Variants in CRHR2 observed in about 807,000 individuals in gnomAD.
The protein encoded by CRHR2 is corticotropin releasing hormone receptor 2, also known as corticotropin-releasing hormone receptor 2.
CRHR2 carries 53 observed loss-of-function variants against 57.9 expected under a neutral mutation model. That is an observed-to-expected ratio of 0.92 (90% CI 0.73 to 1.15). CRHR2 has a LOEUF of 1.15. CRHR2 is among the 50% of genes most tolerant of loss of function. The pLI is 0.00. For synonymous variants in CRHR2, 213 were observed against 220.9 expected (o/e 0.96, Z 0.32); for missense variants, 532 against 542.6 (o/e 0.98, Z 0.19).
Position 30,660,614 on chromosome 7 carries a change from C to T in CRHR2, c.790G>A (p.Val264Met), listed in dbSNP as rs1272154090. ...CWFGKEPGDL[V>M]DYIYQGPIIL... is the part of the protein sequence containing the mutation. ...ATGGGGCCTTGGTAGATGTAGTCCA[C>T]CAGGTCGCCAGGCTCCTTGCCAAAC... The change falls in exon 8 of 12, where the codon GTG becomes ATG. Residue 264 changes from valine to methionine, a missense_variant. Coordinates refer to ENST00000471646, the MANE Select transcript of CRHR2 (RefSeq NM_001883.5). The T allele has an allele frequency of 5.1e-6, 8 of 1,572,068 alleles. No homozygotes were observed. The highest frequency in any genetic ancestry group is 6.9e-6 in the Non-Finnish European group (8 of 1,158,252).
At chr7:30,700,026 C>A (rs1273760395) in exon 1 of CRHR2, 2 of 1,414,522 alleles carry the variant, frequency 1.4e-6, no homozygotes, top group Admixed American at 3.2e-5. Context: ...CCCTGAGGGA[C>A]CCCTCATGCC....
chr7:30,698,952 T>G (rs749676910), intron 1 of CRHR2, among the ~76,000 whole-genome samples: 8 of 152,222 alleles, frequency 5.3e-5, no homozygotes, highest in Non-Finnish European at 7.3e-5. Context: ...TGGATTGGTT[T>G]TGTAGGCAAT....
chr7:30,682,205 C>T lies in CRHR2; in HGVS notation c.76G>A (p.Gly26Ser). The change falls in exon 1 of 12, where the codon GGC becomes AGC. Residue 26 changes from glycine (G) to serine (S), a missense_variant. Physicochemically the swap from Gly to Ser is moderately conservative, Grantham distance 56. Transcript: ENST00000471646. ...TCGGGGTCCAGGGGTGGCCCCCAGCCGTCCAAGAGCAGCTCTTCAGCCAGC... is the reference window on the plus strand; with the variant it reads ...TCGGGGTCCAGGGGTGGCCCCCAGCTGTCCAAGAGCAGCTCTTCAGCCAGC... Reference protein sequence around the residue: ...LALAEELLLDGWGPPLDPEGP... With the variant: ...LALAEELLLDSWGPPLDPEGP... The T allele has an allele frequency of 6.3e-7, 1 of 1,587,946 alleles. No homozygotes were observed. Among genetic ancestry groups the T allele is most frequent in the South Asian group, 1.1e-5 (1 of 88,452 alleles).
intron 1 of CRHR2, among the ~76,000 whole-genome samples, chr7:30,695,037 G>GGT (rs1785030362): frequency 7.1e-6 from 1 of 140,530 alleles, no homozygotes; most frequent in African/African-American, 2.7e-5. Flanking sequence ...GAGGAAGGAA[G>GGT]GATACAGGAA....
At chr7:30,688,668 G>A in intron 2 of CRHR2, 1 of 391,978 alleles carries the variant, frequency 2.6e-6, no homozygotes, top group Non-Finnish European at 5.1e-6. Flanking sequence ...TACAGGGTGG[G>A]ACACTGGAGA....
rs1369753427 is a variant in CRHR2, at chr7:30,652,064, G to A, written c.*1396C>T. The A allele has an allele frequency of 1.3e-5, 2 of 152,234 alleles. No homozygotes were observed. The highest frequency in any genetic ancestry group is 1.3e-4 in the Admixed American group (2 of 15,288). The allele number at this position is 152,234 out of a possible 1,614,324, so 9.4% of individuals were successfully genotyped here. ...ATACTACATGTCAACTTAAAAATGT[G>A]CAAGACGGGATACATGATTTTTCAA... On this transcript the variant is annotated 3_prime_UTR_variant, in exon 12 of 12. Coordinates refer to ENST00000471646, the MANE Select transcript of CRHR2 (RefSeq NM_001883.5). This position sits in a 1 kb window ranked among gnomAD's most constrained non-coding sequence, Gnocchi z 4.4.
chr7:30,665,076 G>T lies in CRHR2; in HGVS notation c.537C>A (p.Ser179Arg). ...AGTCTCCCCGAGCAATGACCTCATTGCTCTCGTGCACTTCATGGTCAACGA... is the reference window on the plus strand; with the variant it reads ...AGTCTCCCCGAGCAATGACCTCATTTCTCTCGTGCACTTCATGGTCAACGA... ...LQLVDHEVHE[S>R]NEVWCRCITT... The change falls in exon 5 of 12, where the codon AGC becomes AGA. Residue 179 changes from serine to arginine, a missense_variant. By Grantham distance (110) the Ser-to-Arg change is moderately radical. Coordinates refer to ENST00000471646, the MANE Select transcript of CRHR2 (RefSeq NM_001883.5). This position sits in a 1 kb window ranked among gnomAD's most constrained non-coding sequence, Gnocchi z 4.5. The T allele has an allele frequency of 1.2e-6, 2 of 1,613,692 alleles. No individual in the cohort carries two copies. The highest frequency in any genetic ancestry group is 1.7e-6 in the Non-Finnish European group (2 of 1,179,728).
chr7:30,696,450 G>A lies in CRHR2; in HGVS notation c.-261+3494C>T, dbSNP rs144230477. Reference sequence around the variant, plus strand: ...AAAAATAAAAATTAAGGCCAGGCGCGGTGGTTCACACCTGTAATCCCAGCA... The same window carrying A: ...AAAAATAAAAATTAAGGCCAGGCGCAGTGGTTCACACCTGTAATCCCAGCA... On this transcript the variant is annotated intron_variant, in intron 1 of 13. Coordinates refer to the CRHR2 transcript ENST00000341843. 4.1e-4 allele frequency among the ~76,000 whole-genome samples: 63 copies of A among 152,256 alleles called. No individual in the cohort carries two copies. The East Asian group carries it at 9.3e-3, about 22-fold the overall frequency.
intron 2 of CRHR2, among the ~76,000 whole-genome samples, chr7:30,668,162 C>A (rs543777136): frequency 6.6e-6 from 1 of 152,352 alleles, no homozygotes; most frequent in South Asian, 2.1e-4. Flanking sequence ...CACAAAAGTG[C>A]AGGTTTTGTC....
At chr7:30,661,699 A>C (rs1784004906) in intron 7 of CRHR2, among the ~76,000 whole-genome samples, 1 of 152,146 alleles carries the variant, frequency 6.6e-6, no homozygotes, top group Non-Finnish European at 1.5e-5. Flanking sequence ...AGCCTCTGGC[A>C]TAGGGAGAAC....
intron 1 of CRHR2, among the ~76,000 whole-genome samples, chr7:30,695,992 G>C (rs1785049245): frequency 1.3e-5 from 2 of 152,172 alleles, no homozygotes; most frequent in South Asian, 4.1e-4. Context: ...AATAAAATAA[G>C]CTTATTGAAT....
chr7:30,680,356 G>C (rs1784661155), intron 2 of CRHR2, among the ~76,000 whole-genome samples: 1 of 152,176 alleles, frequency 6.6e-6, no homozygotes, highest in African/African-American at 2.4e-5. Flanking sequence ...GGGAAGGGGG[G>C]GCCCCCAGGC....
chr7:30,674,235 A>T (rs1234253366), intron 2 of CRHR2, among the ~76,000 whole-genome samples: 1 of 152,188 alleles, frequency 6.6e-6, no homozygotes, highest in Non-Finnish European at 1.5e-5. Context: ...GGGGAGTGGA[A>T]CCCAGCTCAC....
At chr7:30,668,051 G>A (rs572114414) in intron 2 of CRHR2, among the ~76,000 whole-genome samples, 1 of 152,346 alleles carries the variant, frequency 6.6e-6, no homozygotes, top group East Asian at 1.9e-4. Context: ...TGCCTGGGAG[G>A]CTACCACGAG....
chr7:30,677,643 C>T (rs1784560342), intron 2 of CRHR2, among the ~76,000 whole-genome samples: 1 of 152,188 alleles, frequency 6.6e-6, no homozygotes, highest in African/African-American at 2.4e-5. Flanking sequence ...GTAGCCAGAG[C>T]TTTGGCATGG....
At chr7:30,664,136 T>A (rs1784104661) in intron 5 of CRHR2, among the ~76,000 whole-genome samples, 1 of 152,232 alleles carries the variant, frequency 6.6e-6, no homozygotes, top group African/African-American at 2.4e-5. Context: ...ACCTGTTTGA[T>A]TCTGAGGCAG....
intron 10 of CRHR2, among the ~76,000 whole-genome samples, 171 bp from the exon 11 acceptor site, chr7:30,655,251 A>C (rs1435591170): frequency 6.6e-6 from 1 of 151,934 alleles, no homozygotes; most frequent in Admixed American, 6.5e-5. Context: ...TCCACGGTCC[A>C]CTCTGAGTGA....
chr7:30,691,569 T>A (rs1355219845), intron 1 of CRHR2, among the ~76,000 whole-genome samples: 1 of 152,240 alleles, frequency 6.6e-6, no homozygotes, highest in Non-Finnish European at 1.5e-5. Flanking sequence ...ATCTTCTGGC[T>A]GAGCAAGCAC....
At position 30,665,824 on chromosome 7, in the gene CRHR2, G is replaced by A. The variant is rs1311420251; in HGVS notation, c.316-185C>T. Among the ~76,000 whole-genome samples, 1 of 152,148 alleles carries A rather than the reference G, an allele frequency of 6.6e-6. No individual in the cohort carries two copies. The highest frequency in any genetic ancestry group is 2.4e-5 in the African/African-American group (1 of 41,418). ...TGGGTGGCTCTTGTTGTTATAAATG[G>A]CTGTGGTCAGGCCTTCCAACATGCA... is the stretch of plus-strand genomic sequence containing the variant. On this transcript the variant is annotated intron_variant, in intron 3 of 11. Coordinates refer to ENST00000471646, the MANE Select transcript of CRHR2 (RefSeq NM_001883.5). The surrounding 1 kb of genome is among the most constrained non-coding windows in gnomAD (Gnocchi z 4.5).
Sources: gnomAD v4.1 joint callset for allele counts (sites outside exome capture counted in the v4.1 genomes callset) on GRCh38, gnomAD v4.1.1 for gene constraint, Gnocchi (gnomAD v3.1) non-coding constraint, MANE v1.5 for transcripts, NCBI Gene and HGNC (gene_info 2026-07-23, HGNC 2026-07-21) for gene names.